WDR70: variants seen among roughly 807,000 people sequenced by gnomAD.
WDR70 encodes WD repeat-containing protein 70.
Under a neutral mutation model 88.6 loss-of-function variants are expected in WDR70, and 53 were observed. The observed-to-expected ratio is 0.60, with a 90% CI of 0.48 to 0.75. The LOEUF (loss-of-function observed/expected upper bound fraction) is 0.75, where lower values mean the gene tolerates loss of function less well. Among genes scored for constraint, WDR70 ranks in the 30% least tolerant of loss-of-function variants. The pLI is 0.00. For synonymous variants in WDR70, 280 were observed against 270.0 expected (o/e 1.04, Z -0.36); for missense variants, 610 against 823.2 (o/e 0.74, Z 3.17).
intron 17 of WDR70, among the ~76,000 whole-genome samples, chr5:37,744,940 C>T (rs1748595059): frequency 6.6e-6 from 1 of 152,098 alleles, no homozygotes. Flanking sequence ...GAGAACACCA[C>T]TAAGATATTC....
intron 10 of WDR70, among the ~76,000 whole-genome samples, chr5:37,695,216 A>G (rs1746947253): frequency 6.6e-6 from 1 of 152,134 alleles, no homozygotes; most frequent in African/African-American, 2.4e-5. Context: ...GAACTCACCC[A>G]CTATCATGAG....
At chr5:37,530,773 G>GTTT (rs57043165) in intron 9 of WDR70, among the ~76,000 whole-genome samples, 11 of 127,964 alleles carry the variant, frequency 8.6e-5, no homozygotes, top group African/African-American at 3.1e-4. Context: ...TTTATCTTTT[G>GTTT]TTTTTTTTTT....
chr5:37,607,783 G>A (rs959472455), intron 10 of WDR70, among the ~76,000 whole-genome samples: 8 of 152,128 alleles, frequency 5.3e-5, no homozygotes, highest in African/African-American at 1.9e-4. Flanking sequence ...TTTGCCCAAG[G>A]TTCCTTTTAT....
At chr5:37,598,954 T>G (rs1430447989) in intron 9 of WDR70, among the ~76,000 whole-genome samples, 1 of 152,230 alleles carries the variant, frequency 6.6e-6, no homozygotes, top group Non-Finnish European at 1.5e-5. Context: ...TTTGAATTCT[T>G]TCCAGTTACA....
intron 10 of WDR70, among the ~76,000 whole-genome samples, chr5:37,632,609 G>T (rs111358740): frequency 2.6e-4 from 40 of 152,174 alleles, no homozygotes; most frequent in African/African-American, 8.4e-4. Context: ...AGTTTATAGA[G>T]TAAGGATATA....
chr5:37,630,716 A>C (rs1744789875), intron 10 of WDR70, among the ~76,000 whole-genome samples: 1 of 152,126 alleles, frequency 6.6e-6, no homozygotes, highest in African/African-American at 2.4e-5. Flanking sequence ...ATTCATATAT[A>C]ATGTATGGAC....
intron 3 of WDR70, among the ~76,000 whole-genome samples, chr5:37,382,720 G>T (rs1307700053): frequency 6.6e-6 from 1 of 150,560 alleles, no homozygotes; most frequent in Non-Finnish European, 1.5e-5. Flanking sequence ...ATCATTTTAA[G>T]ACCAACAATG....
At chr5:37,609,863 A>G (rs896093682) in intron 10 of WDR70, among the ~76,000 whole-genome samples, 5 of 152,274 alleles carry the variant, frequency 3.3e-5, no homozygotes, top group African/African-American at 1.2e-4. Context: ...GGCAAGTAAG[A>G]CAACAAATAT....
chr5:37,689,751 G>A (rs901774701), intron 10 of WDR70, among the ~76,000 whole-genome samples: 4 of 152,226 alleles, frequency 2.6e-5, no homozygotes, highest in Non-Finnish European at 4.4e-5. Context: ...ACAAAGATGA[G>A]GAGAAACCAG....
chr5:37,469,876 C>G (rs565008995), intron 7 of WDR70, among the ~76,000 whole-genome samples: 1 of 152,078 alleles, frequency 6.6e-6, no homozygotes, highest in Non-Finnish European at 1.5e-5. Flanking sequence ...AGAGCTATAA[C>G]TGTAATAGAC....
chr5:37,679,827 G>GC (rs1219024033), intron 10 of WDR70, among the ~76,000 whole-genome samples: 7 of 152,200 alleles, frequency 4.6e-5, no homozygotes, highest in Non-Finnish European at 7.3e-5. Context: ...TCTGTGCCCT[G>GC]CCCCCAGAGG....
chr5:37,523,613 G>C (rs1366715614), intron 9 of WDR70, among the ~76,000 whole-genome samples: 4 of 152,196 alleles, frequency 2.6e-5, no homozygotes, highest in African/African-American at 9.7e-5. Context: ...ACCAGCAATG[G>C]AACAAAGGTG....
intron 9 of WDR70, among the ~76,000 whole-genome samples, chr5:37,563,504 C>T (rs1403642497): frequency 1.8e-5 from 1 of 56,218 alleles, no homozygotes; most frequent in East Asian, 4.7e-4. Flanking sequence ...TAGGGGCGGC[C>T]GGGCAGAGGC....
intron 17 of WDR70, 137 bp from the exon 18 acceptor site, chr5:37,752,349 G>A (rs960332478): frequency 9.8e-6 from 6 of 611,678 alleles, no homozygotes; most frequent in Non-Finnish European, 1.7e-5. Flanking sequence ...TTTGCCAGAA[G>A]TTTAATGATT....
chr5:37,593,801 T>C (rs1240653174), intron 9 of WDR70, among the ~76,000 whole-genome samples: 1 of 152,178 alleles, frequency 6.6e-6, no homozygotes, highest in Non-Finnish European at 1.5e-5. Context: ...CTACATCCTC[T>C]CCAGCATCTG....
chr5:37,518,837 T>G (rs1415671417), intron 9 of WDR70, among the ~76,000 whole-genome samples: 2 of 152,130 alleles, frequency 1.3e-5, no homozygotes, highest in Non-Finnish European at 2.9e-5. Flanking sequence ...CCCTGCAGCC[T>G]TCCCACGGTG....
chr5:37,514,943 G>A (rs1740842125), intron 8 of WDR70, among the ~76,000 whole-genome samples: 1 of 151,594 alleles, frequency 6.6e-6, no homozygotes, highest in African/African-American at 2.4e-5. Flanking sequence ...TTGAGCCTGG[G>A]AGGCCAAGGC....
intron 7 of WDR70, among the ~76,000 whole-genome samples, chr5:37,472,142 G>A (rs1398178532): frequency 6.6e-6 from 1 of 151,664 alleles, no homozygotes; most frequent in East Asian, 1.9e-4. Context: ...TACAAATTTT[G>A]TTAAAGTACA....
At chr5:37,401,555 A>G (rs1749194883) in intron 5 of WDR70, among the ~76,000 whole-genome samples, 1 of 149,474 alleles carries the variant, frequency 6.7e-6, no homozygotes. Flanking sequence ...GACCTCAGGT[A>G]ATCCACCTAC....
Sources: gnomAD v4.1 joint callset for allele counts (sites outside exome capture counted in the v4.1 genomes callset) on GRCh38, gnomAD v4.1.1 for gene constraint, MANE v1.5 for transcripts, NCBI Gene and HGNC (gene_info 2026-07-23, HGNC 2026-07-21) for gene names.